BLTP2: variants seen among roughly 807,000 people sequenced by gnomAD.
The protein encoded by BLTP2 is bridge-like lipid transfer protein family member 2, also known as U937-associated antigen.
At chr17:28,630,166 T>C in the BLTP2 span, among the ~76,000 whole-genome samples, 1 of 150,554 alleles carries the variant, frequency 6.6e-6, no homozygotes, top group Non-Finnish European at 1.5e-5. Flanking sequence ...ACTTTGCCTA[T>C]TTATTTCTGA....
the BLTP2 span, chr17:28,637,894 C>T: frequency 6.2e-7 from 1 of 1,614,190 alleles, no homozygotes; most frequent in Non-Finnish European, 8.5e-7. Flanking sequence ...CCACCTTCCA[C>T]AGTAATGACA....
the BLTP2 span, chr17:28,632,266 T>C: frequency 1.9e-6 from 3 of 1,567,232 alleles, no homozygotes; most frequent in Non-Finnish European, 1.7e-6. Context: ...AGACATTTCC[T>C]AGTTATGGAT....
the BLTP2 span, chr17:28,624,464 T>A: frequency 3.0e-6 from 4 of 1,342,796 alleles, no homozygotes; most frequent in Admixed American, 8.4e-5. Context: ...AGAGCCAAAT[T>A]GATCTTCCCT....
the BLTP2 span, chr17:28,614,936 A>AACAGACC: frequency 1.2e-6 from 1 of 826,214 alleles, no homozygotes; most frequent in Non-Finnish European, 1.9e-6. Flanking sequence ...CCAGGTGCTG[A>AACAGACC]AGAGTGATGC....
the BLTP2 span, chr17:28,624,164 G>T: frequency 6.5e-7 from 1 of 1,533,888 alleles, no homozygotes; most frequent in Non-Finnish European, 8.9e-7. Context: ...CATATTTAGA[G>T]GTGGGGGAAG....
chr17:28,616,065 C>G, the BLTP2 span: 1 of 1,547,900 alleles, frequency 6.5e-7, no homozygotes, highest in Non-Finnish European at 8.9e-7. This position sits in a 1 kb window ranked among gnomAD's most constrained non-coding sequence, Gnocchi z 4.8. Context: ...CCTTCCCACC[C>G]TGTTCTACAA....
chr17:28,637,978 A>G, the BLTP2 span: 1 of 1,614,234 alleles, frequency 6.2e-7, no homozygotes, highest in Admixed American at 1.7e-5. Context: ...ATAAGATACG[A>G]GACAGACATT....
At chr17:28,616,543 T>A in the BLTP2 span, 2 of 1,614,116 alleles carry the variant, frequency 1.2e-6, no homozygotes, top group Non-Finnish European at 1.7e-6. This position sits in a 1 kb window ranked among gnomAD's most constrained non-coding sequence, Gnocchi z 4.8. Context: ...CTGTCATCCA[T>A]CCTCGTTCTG....
chr17:28,642,429 A>T, the BLTP2 span: 1 of 948,390 alleles, frequency 1.1e-6, no homozygotes, highest in Non-Finnish European at 1.7e-6. Context: ...AGGTGGGAGG[A>T]TCATGAGGTC....
chr17:28,638,361 T>C, the BLTP2 span: 1 of 1,614,096 alleles, frequency 6.2e-7, no homozygotes, highest in Non-Finnish European at 8.5e-7. Flanking sequence ...GCAGAGGTGG[T>C]CCACAGTTAG....
At chr17:28,620,218 G>A in the BLTP2 span, among the ~76,000 whole-genome samples, 5 of 152,194 alleles carry the variant, frequency 3.3e-5, no homozygotes, top group Admixed American at 1.3e-4. Context: ...CAACAGGATG[G>A]GATGGAGGTG....
chr17:28,631,676 T>A, the BLTP2 span: 2 of 1,614,036 alleles, frequency 1.2e-6, no homozygotes, highest in East Asian at 2.2e-5. Context: ...CGCATCACTG[T>A]GCCTGCTGAG....
At chr17:28,636,882 AAG>A in the BLTP2 span, 1 of 1,182,052 alleles carries the variant, frequency 8.5e-7, no homozygotes. Flanking sequence ...GGGAAAAGAC[AAG>A]AAAAAAAAAA....
At chr17:28,617,585 A>C in the BLTP2 span, among the ~76,000 whole-genome samples, 3 of 152,192 alleles carry the variant, frequency 2.0e-5, no homozygotes, top group Non-Finnish European at 4.4e-5. Flanking sequence ...CTGGTAGGAG[A>C]AAGTAATAAA....
At chr17:28,638,852 G>A in the BLTP2 span, among the ~76,000 whole-genome samples, 2 of 152,110 alleles carry the variant, frequency 1.3e-5, no homozygotes, top group Admixed American at 6.5e-5. Flanking sequence ...AGGATATTAG[G>A]TTGACTCATA....
chr17:28,618,509 C>T, the BLTP2 span, among the ~76,000 whole-genome samples: 2 of 152,138 alleles, frequency 1.3e-5, no homozygotes, highest in Admixed American at 6.5e-5. Context: ...AACCACTACA[C>T]GTGGCCTGTA....
At chr17:28,635,250 G>A in the BLTP2 span, 1 of 1,614,168 alleles carries the variant, frequency 6.2e-7, no homozygotes, top group Non-Finnish European at 8.5e-7. Flanking sequence ...AGATACTATT[G>A]CCATCAAAGC....
At chr17:28,639,544 G>A in the BLTP2 span, 1 of 1,613,298 alleles carries the variant, frequency 6.2e-7, no homozygotes, top group Non-Finnish European at 8.5e-7. Flanking sequence ...AATAGAGAAA[G>A]GAACAATTCT....
the BLTP2 span, chr17:28,637,785 C>T: frequency 3.8e-6 from 6 of 1,564,076 alleles, no homozygotes; most frequent in Non-Finnish European, 5.2e-6. Flanking sequence ...GATTCTCCTG[C>T]CTCAGTCTCC....
Sources: allele counts gnomAD v4.1 joint callset (sites outside exome capture counted in the v4.1 genomes callset), GRCh38; gene constraint gnomAD v4.1.1; non-coding constraint Gnocchi (gnomAD v3.1); transcripts MANE v1.5; gene names NCBI Gene and HGNC (gene_info 2026-07-23, HGNC 2026-07-21).